TJP1: variants seen among roughly 807,000 people sequenced by gnomAD.
TJP1 encodes the protein tight junction protein 1.
Under a neutral mutation model 194.2 loss-of-function variants are expected in TJP1, and 43 were observed. That is an observed-to-expected ratio of 0.22 (90% CI 0.17 to 0.29). The LOEUF (loss-of-function observed/expected upper bound fraction) is 0.29, where lower values mean the gene tolerates loss of function less well. Ranked by LOEUF, TJP1 falls within the 10% of genes least tolerant of loss-of-function variation. The probability of loss-of-function intolerance (pLI) is 1.00; values close to 1 mark genes in which losing one functional copy is unlikely to be tolerated. For synonymous variants in TJP1, 801 were observed against 779.0 expected (o/e 1.03, Z -0.47); for missense variants, 1,971 against 2,185.7 (o/e 0.90, Z 1.96).
chr15:29,761,107 C>T, intron 8 of TJP1, 32 bp downstream of exon 8: 1 of 1,554,432 alleles, frequency 6.4e-7, no homozygotes, highest in Non-Finnish European at 8.7e-7. Flanking sequence ...AAACAAAACC[C>T]CTGTATTTTT....
chr15:29,714,195 TTTGA>T (rs1299577491), intron 23 of TJP1, among the ~76,000 whole-genome samples: 1 of 152,196 alleles, frequency 6.6e-6, no homozygotes, highest in Non-Finnish European at 1.5e-5. Context: ...AAACATGCAT[TTTGA>T]TTGATTCCCT....
intron 2 of TJP1, among the ~76,000 whole-genome samples, chr15:29,849,826 C>T (rs1441976834): frequency 6.6e-6 from 1 of 151,988 alleles, no homozygotes; most frequent in African/African-American, 2.4e-5. Context: ...CCACCTACCT[C>T]GGTCTTCCAA....
At chr15:29,769,573 GA>G (rs2046525098) in intron 4 of TJP1, among the ~76,000 whole-genome samples, 1 of 152,124 alleles carries the variant, frequency 6.6e-6, no homozygotes. Context: ...TATGCATAGT[GA>G]AATGCTGCAT....
chr15:29,732,600 G>C (rs1458104791), intron 14 of TJP1, 31 bp downstream of exon 14: 2 of 1,612,714 alleles, frequency 1.2e-6, no homozygotes, highest in Non-Finnish European at 8.5e-7. Context: ...ACGTTAAAGG[G>C]TATTAGGTTA....
chr15:29,915,063 T>A (rs2054143357), intron 2 of TJP1, among the ~76,000 whole-genome samples: 1 of 152,110 alleles, frequency 6.6e-6, no homozygotes, highest in Non-Finnish European at 1.5e-5. Context: ...CTAAAAAAAA[T>A]GCTGCCAAAT....
chr15:29,835,213 A>G (rs2050986318), intron 2 of TJP1, among the ~76,000 whole-genome samples: 1 of 152,254 alleles, frequency 6.6e-6, no homozygotes, highest in Non-Finnish European at 1.5e-5. Context: ...AGTGCTTATT[A>G]TAAAACTATA....
intron 1 of TJP1, among the ~76,000 whole-genome samples, chr15:29,820,046 A>G (rs2050216683): frequency 6.6e-6 from 1 of 152,214 alleles, no homozygotes; most frequent in African/African-American, 2.4e-5. Flanking sequence ...ATAGGATGAC[A>G]AACTATTCAA....
chr15:29,846,934 A>AAAAG (rs201818881), intron 2 of TJP1, among the ~76,000 whole-genome samples: 3 of 141,902 alleles, frequency 2.1e-5, no homozygotes, highest in African/African-American at 4.9e-5. Context: ...TCAAAGAAAA[A>AAAAG]AAAGAAAGAA....
intron 8 of TJP1, among the ~76,000 whole-genome samples, chr15:29,758,203 T>C (rs2045771366): frequency 6.6e-6 from 1 of 152,012 alleles, no homozygotes; most frequent in Non-Finnish European, 1.5e-5. Context: ...AAATCACAGG[T>C]GGATTTTTGA....
At chr15:29,879,700 T>G (rs1201854174) in intron 2 of TJP1, among the ~76,000 whole-genome samples, 2 of 145,040 alleles carry the variant, frequency 1.4e-5, no homozygotes, top group Non-Finnish European at 3.0e-5. Flanking sequence ...GCATATAGCT[T>G]AGACTCTCTT....
chr15:29,930,836 A>G (rs992453695), intron 2 of TJP1, among the ~76,000 whole-genome samples: 1 of 152,238 alleles, frequency 6.6e-6, no homozygotes, highest in African/African-American at 2.4e-5. Flanking sequence ...AAGAAAATCT[A>G]TAAGTTATTA....
At chr15:29,729,036 G>A (rs922907962) in intron 15 of TJP1, 4 of 152,150 alleles carry the variant, frequency 2.6e-5, no homozygotes, top group Non-Finnish European at 4.4e-5. Context: ...ACCCTTTAAG[G>A]CAGAGCTTTG....
intron 2 of TJP1, among the ~76,000 whole-genome samples, chr15:29,781,641 G>T (rs2047376128): frequency 6.6e-6 from 1 of 152,080 alleles, no homozygotes; most frequent in Non-Finnish European, 1.5e-5. Flanking sequence ...TTTATCCCTG[G>T]GATGCAAGGT....
At chr15:29,880,621 C>A (rs1362527070) in intron 2 of TJP1, among the ~76,000 whole-genome samples, 1 of 152,200 alleles carries the variant, frequency 6.6e-6, no homozygotes, top group African/African-American at 2.4e-5. Context: ...CAGCCCCTGG[C>A]AACCACTATT....
chr15:29,892,444 C>T (rs779407123), intron 2 of TJP1, among the ~76,000 whole-genome samples: 2 of 152,188 alleles, frequency 1.3e-5, no homozygotes, highest in African/African-American at 2.4e-5. Flanking sequence ...AACAGACTTT[C>T]GATGTAGATG....
chr15:29,770,679 C>CAA (rs60161755), intron 4 of TJP1, among the ~76,000 whole-genome samples: 1 of 141,856 alleles, frequency 7.0e-6, no homozygotes, highest in African/African-American at 2.6e-5. Context: ...GACTCTGTCT[C>CAA]AAAAAAAAAA....
chr15:29,821,452 C>T (rs1441053877), intron 1 of TJP1: 1 of 152,188 alleles, frequency 6.6e-6, no homozygotes, highest in Non-Finnish European at 1.5e-5. Flanking sequence ...AAAACCCGAC[C>T]TACTACGCCT....
intron 18 of TJP1, among the ~76,000 whole-genome samples, chr15:29,724,325 T>C (rs962817749): frequency 2.6e-5 from 4 of 152,184 alleles, no homozygotes; most frequent in African/African-American, 9.7e-5. Flanking sequence ...TGAACAAGTC[T>C]CAATGGCTTC....
chr15:29,762,459 G>C (rs773633997), intron 5 of TJP1, 21 bp from the exon 6 acceptor site: 7 of 1,585,938 alleles, frequency 4.4e-6, no homozygotes, highest in Non-Finnish European at 4.3e-6. Context: ...GTAAGTAAGT[G>C]TTTTTAGTAT....
Sources: gnomAD v4.1 joint callset for allele counts (sites outside exome capture counted in the v4.1 genomes callset) on GRCh38, gnomAD v4.1.1 for gene constraint, MANE v1.5 for transcripts, NCBI Gene and HGNC (gene_info 2026-07-23, HGNC 2026-07-21) for gene names.